TRERF1: variants seen among roughly 807,000 people sequenced by gnomAD.
TRERF1 encodes transcriptional-regulating factor 1.
A neutral mutation model predicts 122.9 loss-of-function variants in TRERF1; 27 were observed. The ratio of observed to expected loss-of-function variants is 0.22; its 90% confidence interval spans 0.16 to 0.30. The LOEUF (loss-of-function observed/expected upper bound fraction) is 0.30, where lower values mean the gene tolerates loss of function less well. TRERF1 is among the 10% of genes least tolerant of loss of function. TRERF1 has a pLI of 1.00. For missense variants in TRERF1, 1,248 were observed against 1,560.3 expected (o/e 0.80, Z 3.37); for synonymous variants, 636 against 641.7 (o/e 0.99, Z 0.13).
At chr6:42,321,865 T>C (rs1176454747) in intron 3 of TRERF1, among the ~76,000 whole-genome samples, 3 of 152,258 alleles carry the variant, frequency 2.0e-5, no homozygotes, top group East Asian at 1.9e-4. Flanking sequence ...CAATGGTGGA[T>C]TGTCAATGTG....
intron 3 of TRERF1, among the ~76,000 whole-genome samples, chr6:42,305,122 C>T (rs1786952456): frequency 6.6e-6 from 1 of 152,232 alleles, no homozygotes. Flanking sequence ...CACCATTCTA[C>T]AAGTGAGGAA....
chr6:42,359,480 C>T (rs1047482999), intron 3 of TRERF1, among the ~76,000 whole-genome samples: 1 of 152,216 alleles, frequency 6.6e-6, no homozygotes, highest in Non-Finnish European at 1.5e-5. Flanking sequence ...AATCCCAGCA[C>T]TTTGGGAGGC....
rs781602216 is a variant in TRERF1 at position 42,269,848 on chromosome 6, C to A, written c.-258G>T. The A allele has an allele frequency of 9.9e-6, 8 of 808,542 alleles. No homozygotes were observed. Among genetic ancestry groups the A allele is most frequent in the Admixed American group, 3.7e-5 (1 of 27,328 alleles). 50.1% of individuals were successfully genotyped at this position (808,542 alleles called of 1,614,324 possible). A position where few individuals can be genotyped will look rare whatever the true frequency, so the allele number is the denominator to read the frequency against. On this transcript the variant is annotated splice_region_variant and 5_prime_UTR_variant, in exon 5 of 18. Coordinates refer to ENST00000372922, the Ensembl canonical transcript of TRERF1. The surrounding 1 kb of genome is among the most constrained non-coding windows in gnomAD (Gnocchi z 4.9). ...CTGTGGTGAGGAGACGTCGCTCACA[C>A]CTGCAAGGCAAGATGCAAAAGACAG...
At chr6:42,306,817 T>A (rs527544083) in intron 3 of TRERF1, among the ~76,000 whole-genome samples, 1 of 152,234 alleles carries the variant, frequency 6.6e-6, no homozygotes, top group African/African-American at 2.4e-5. Flanking sequence ...TAATCAATTA[T>A]GTGATTAACG....
chr6:42,409,393 T>C (rs1465788425), intron 2 of TRERF1, among the ~76,000 whole-genome samples: 1 of 152,256 alleles, frequency 6.6e-6, no homozygotes, highest in East Asian at 1.9e-4. Context: ...CTTGCCTGCC[T>C]TGTTTGCTTA....
chr6:42,343,117 AT>A (rs1004904841), intron 3 of TRERF1, among the ~76,000 whole-genome samples: 1 of 152,148 alleles, frequency 6.6e-6, no homozygotes, highest in African/African-American at 2.4e-5. Context: ...CCACAACTCC[AT>A]CCATCTGTCA....
At chr6:42,446,649 C>T (rs74416555) in intron 2 of TRERF1, among the ~76,000 whole-genome samples, 2,235 of 152,244 alleles carry the variant, frequency 0.015, 51 homozygotes, top group African/African-American at 0.051. Context: ...ATAGTAAGTC[C>T]TCAATAAGAA....
At chr6:42,235,469 C>T (rs768210399) in intron 16 of TRERF1, among the ~76,000 whole-genome samples, 2 of 152,222 alleles carry the variant, frequency 1.3e-5, no homozygotes, top group Non-Finnish European at 2.9e-5. Context: ...ACAAGGCCAG[C>T]ACAGATACCG....
At chr6:42,400,457 CA>C (rs1417896229) in intron 2 of TRERF1, among the ~76,000 whole-genome samples, 1 of 152,206 alleles carries the variant, frequency 6.6e-6, no homozygotes, top group Non-Finnish European at 1.5e-5. Context: ...TTGGCACAAG[CA>C]TTCACGATTG....
intron 3 of TRERF1, among the ~76,000 whole-genome samples, chr6:42,349,717 TG>T (rs112552222): frequency 1.4e-3 from 217 of 152,316 alleles, no homozygotes; most frequent in African/African-American, 4.9e-3. Context: ...AACCCTTCAA[TG>T]GTAAGCCAAA....
chr6:42,311,924 A>C (rs1761736400), intron 3 of TRERF1, among the ~76,000 whole-genome samples: 1 of 152,172 alleles, frequency 6.6e-6, no homozygotes, highest in South Asian at 2.1e-4. Context: ...TGGCTTATTA[A>C]TAATTCATTA....
intron 2 of TRERF1, among the ~76,000 whole-genome samples, chr6:42,363,377 G>A (rs1054297758): frequency 5.9e-5 from 9 of 152,148 alleles, no homozygotes; most frequent in Non-Finnish European, 8.8e-5. Context: ...AGCAAAGGAC[G>A]CCAGCTTCAA....
At chr6:42,242,720 T>C (rs926181249) in intron 15 of TRERF1, among the ~76,000 whole-genome samples, 1 of 152,236 alleles carries the variant, frequency 6.6e-6, no homozygotes, top group Non-Finnish European at 1.5e-5. Context: ...ATAATGGTGA[T>C]GTAAGGATTA....
At chr6:42,312,274 T>C (rs932416538) in intron 3 of TRERF1, among the ~76,000 whole-genome samples, 1 of 152,168 alleles carries the variant, frequency 6.6e-6, no homozygotes, top group Non-Finnish European at 1.5e-5. Flanking sequence ...CAAGGTTTGT[T>C]GGGCAGCAGA....
In TRERF1 at chr6:42,258,134, C is replaced by T. The variant is rs1777099038; in HGVS notation, c.2336+1G>A. The T allele has an allele frequency of 1.9e-6, 3 of 1,613,564 alleles. No homozygotes were observed. The highest frequency in any genetic ancestry group is 1.7e-6 in the Non-Finnish European group (2 of 1,179,626). ...CTAAAGAGTAATTGACTTTTCCTTA[C>T]GGTTCAACATCTACAGTCTGCTCTC... On this transcript the variant is annotated splice_donor_variant, in intron 10 of 17. Coordinates refer to ENST00000372922, the Ensembl canonical transcript of TRERF1. LOFTEE classifies it high-confidence loss of function.
intron 8 of TRERF1, among the ~76,000 whole-genome samples, chr6:42,261,978 A>G (rs1190047576): frequency 6.6e-6 from 1 of 151,516 alleles, no homozygotes; most frequent in Non-Finnish European, 1.5e-5. Flanking sequence ...TACCATCTTG[A>G]AGGGGTGGGG....
rs1237008104 is a variant in TRERF1 at position 42,393,627 on chromosome 6, G to A, written c.-453-30548C>T. ...ATTTCTTTCCTAAAACAGTGACCTA[G>A]CTATTAAAATCTGCATTCCCAAATC... On this transcript the variant is annotated intron_variant, in intron 2 of 17. Transcript: ENST00000372922. This position sits in a 1 kb window ranked among gnomAD's most constrained non-coding sequence, Gnocchi z 4.1. Among the ~76,000 whole-genome samples, 1 of 152,210 alleles carries A rather than the reference G, an allele frequency of 6.6e-6. No homozygotes were observed. Among genetic ancestry groups the A allele is most frequent in the Non-Finnish European group, 1.5e-5 (1 of 68,038 alleles).
intron 3 of TRERF1, among the ~76,000 whole-genome samples, chr6:42,357,171 A>G (rs1770725081): frequency 1.3e-5 from 2 of 151,736 alleles, no homozygotes; most frequent in African/African-American, 4.8e-5. Context: ...TCCACTAAAA[A>G]TACAAAAATT....
chr6:42,316,242 TTGA>T (rs1179534012), intron 3 of TRERF1, among the ~76,000 whole-genome samples: 1 of 152,178 alleles, frequency 6.6e-6, no homozygotes, highest in Non-Finnish European at 1.5e-5. Flanking sequence ...ATTGCTAATC[TTGA>T]TGATTCATCC....
Sources: allele counts gnomAD v4.1 joint callset (sites outside exome capture counted in the v4.1 genomes callset), GRCh38; gene constraint gnomAD v4.1.1; non-coding constraint Gnocchi (gnomAD v3.1); transcripts MANE v1.5; gene names NCBI Gene and HGNC (gene_info 2026-07-23, HGNC 2026-07-21).